Variants in GLCCI1 observed in about 807,000 individuals in gnomAD.
GLCCI1 encodes glucocorticoid-induced transcript 1 protein.
Under a neutral mutation model 52.2 loss-of-function variants are expected in GLCCI1, and 24 were observed. That is an observed-to-expected ratio of 0.46 (90% CI 0.33 to 0.65). The LOEUF is 0.65. Ranked by LOEUF, GLCCI1 falls within the 30% of genes least tolerant of loss-of-function variation. The pLI, the probability that GLCCI1 is intolerant of heterozygous loss-of-function variation, is 0.02. For synonymous variants in GLCCI1, 310 were observed against 276.5 expected, an observed-to-expected ratio of 1.12 and a Z score of -1.20; for missense variants, 704 against 701.5, an observed-to-expected ratio of 1.00 and a Z score of -0.04.
chr7:8,012,881 T>C (rs1204784695), intron 2 of GLCCI1, among the ~76,000 whole-genome samples: 15 of 152,240 alleles, frequency 9.9e-5, no homozygotes, highest in Non-Finnish European at 1.5e-5. Context: ...GTCAGGAAGC[T>C]TTCTTCTTAT....
At chr7:8,024,506 G>C (rs575238849) in intron 3 of GLCCI1, among the ~76,000 whole-genome samples, 1 of 152,344 alleles carries the variant, frequency 6.6e-6, no homozygotes, top group South Asian at 2.1e-4. Flanking sequence ...GATTTAGGCT[G>C]AAAGGAAGTA....
At chr7:8,081,935 CATT>C (rs1783003045) in intron 6 of GLCCI1, among the ~76,000 whole-genome samples, 1 of 152,116 alleles carries the variant, frequency 6.6e-6, no homozygotes, top group African/African-American at 2.4e-5. Context: ...ATTTTATTGA[CATT>C]AGCTATGATG....
Position 8,045,724 on chromosome 7 carries a change from A to G in GLCCI1, c.697-9709A>G, listed in dbSNP as rs147313172. 2.2e-4 allele frequency among the ~76,000 whole-genome samples: 33 copies of G among 152,292 alleles called. No homozygotes were observed. In the South Asian group the frequency reaches 6.2e-3, roughly 29 times the overall value. On this transcript the variant is annotated intron_variant, in intron 3 of 7. Coordinates refer to ENST00000223145, the MANE Select transcript of GLCCI1 (RefSeq NM_138426.4). The stretch of plus-strand genomic sequence containing the variant: ...GATGTGGCACCTGAATTAGAGCTCT[A>G]CTTATGAGGGACCAAAGTTCCAGTC...
chr7:7,976,089 T>G (rs987293247), intron 1 of GLCCI1, among the ~76,000 whole-genome samples: 7 of 152,174 alleles, frequency 4.6e-5, no homozygotes, highest in South Asian at 4.1e-4. Context: ...CTTCCAAGAA[T>G]CTGCAATTTG....
Position 8,017,703 on chromosome 7 carries a change from C to T in GLCCI1, c.610-4780C>T, listed in dbSNP as rs184275846. 1.5e-4 allele frequency among the ~76,000 whole-genome samples: 23 copies of T among 152,114 alleles called. No homozygotes were observed. In the East Asian group the frequency reaches 4.0e-3, roughly 27 times the overall value. Reference sequence around the variant, plus strand: ...TCCTAAAGCTTAAAAAAAAACCTTCCGACTTTACATAAAATAAAAATGCAG... The same window carrying T: ...TCCTAAAGCTTAAAAAAAAACCTTCTGACTTTACATAAAATAAAAATGCAG... On this transcript the variant is annotated intron_variant, in intron 2 of 7. Coordinates refer to ENST00000223145, the MANE Select transcript of GLCCI1 (RefSeq NM_138426.4).
chr7:7,987,669 C>G (rs917232999), intron 1 of GLCCI1, among the ~76,000 whole-genome samples: 6 of 152,166 alleles, frequency 3.9e-5, no homozygotes, highest in South Asian at 2.1e-4. Context: ...TTCACTGTAA[C>G]CCCAGACTCC....
chr7:8,047,717 C>T (rs766459166), intron 3 of GLCCI1, among the ~76,000 whole-genome samples: 11 of 152,188 alleles, frequency 7.2e-5, no homozygotes, highest in Non-Finnish European at 1.2e-4. Flanking sequence ...TATTAGACAA[C>T]ACAACTAAGA....
chr7:7,992,097 TTCTG>T (rs1554258546), intron 1 of GLCCI1, among the ~76,000 whole-genome samples: 33 of 121,280 alleles, frequency 2.7e-4, no homozygotes, highest in African/African-American at 7.5e-4. Context: ...CTTTCTTTCT[TTCTG>T]TCTGTTTCTC....
chr7:8,055,281 A>G, intron 3 of GLCCI1, 152 bp from the exon 4 acceptor site: 1 of 466,524 alleles, frequency 2.1e-6, no homozygotes, highest in East Asian at 3.3e-5. Flanking sequence ...ATAATCCCAA[A>G]AACTTGCAAG....
At chr7:8,070,884 A>C (rs1402894849) in intron 5 of GLCCI1, 37 bp from the exon 6 acceptor site, 1 of 1,548,112 alleles carries the variant, frequency 6.5e-7, no homozygotes, top group African/African-American at 1.4e-5. Context: ...GAATATATGC[A>C]CCAGCATTTG....
rs1016366672 is a variant in GLCCI1, at chr7:8,088,440, G to T, written c.*1902G>T. 1.3e-5 allele frequency: 2 copies of T among 152,526 alleles called. No homozygotes were observed. The highest frequency in any genetic ancestry group is 1.3e-4 in the Admixed American group (2 of 15,272). The allele number at this position is 152,526 out of a possible 1,614,324, so 9.4% of individuals were successfully genotyped here. A position where few individuals can be genotyped will look rare whatever the true frequency, so the allele number is the denominator to read the frequency against. On this transcript the variant is annotated 3_prime_UTR_variant, in exon 8 of 8. Transcript: ENST00000223145. ...GTTTACTTTCGTCATTTTCACAGGG[G>T]AACCTTTTAAAACAATCTTTTCAGC...
At chr7:8,033,362 C>G (rs912589606) in intron 3 of GLCCI1, among the ~76,000 whole-genome samples, 27 of 152,104 alleles carry the variant, frequency 1.8e-4, no homozygotes, top group African/African-American at 6.3e-4. Context: ...CCACTGTCAT[C>G]TTGTCACCAC....
chr7:7,977,135 A>T (rs1436370313), intron 1 of GLCCI1, among the ~76,000 whole-genome samples: 2 of 152,176 alleles, frequency 1.3e-5, no homozygotes, highest in Non-Finnish European at 2.9e-5. Flanking sequence ...ATTACTAAAA[A>T]ATTAGCTTTC....
chr7:8,034,722 GA>G (rs912667083), intron 3 of GLCCI1, among the ~76,000 whole-genome samples: 19 of 152,138 alleles, frequency 1.2e-4, no homozygotes, highest in African/African-American at 4.6e-4. Flanking sequence ...CTAGGACACA[GA>G]AAAAGAAGGA....
chr7:8,076,633 C>G (rs1782882044), intron 6 of GLCCI1, among the ~76,000 whole-genome samples: 1 of 152,152 alleles, frequency 6.6e-6, no homozygotes, highest in Non-Finnish European at 1.5e-5. Context: ...CTTAAATATA[C>G]AACTCAGTTT....
chr7:8,000,993 G>A (rs1781040327), intron 1 of GLCCI1, among the ~76,000 whole-genome samples: 1 of 152,086 alleles, frequency 6.6e-6, no homozygotes, highest in Non-Finnish European at 1.5e-5. Flanking sequence ...TCTTAATCCA[G>A]TTTGCCAGTC....
chr7:8,042,261 T>G (rs969205971), intron 3 of GLCCI1, among the ~76,000 whole-genome samples: 6 of 152,230 alleles, frequency 3.9e-5, no homozygotes, highest in African/African-American at 1.4e-4. Flanking sequence ...GAAGTACATT[T>G]TGTAAGGCTT....
intron 6 of GLCCI1, among the ~76,000 whole-genome samples, chr7:8,080,841 G>GTTT (rs199681673): frequency 5.5e-5 from 7 of 128,256 alleles, no homozygotes; most frequent in Non-Finnish European, 8.7e-5. Context: ...TGGTTTTGGG[G>GTTT]TTTTTTTTTT....
intron 1 of GLCCI1, among the ~76,000 whole-genome samples, chr7:7,976,226 C>T (rs1296998305): frequency 6.6e-6 from 1 of 151,974 alleles, no homozygotes; most frequent in Non-Finnish European, 1.5e-5. Flanking sequence ...TGCCTGTAAT[C>T]CCAGCACTTT....
Sources: gnomAD v4.1 joint callset for allele counts (sites outside exome capture counted in the v4.1 genomes callset) on GRCh38, gnomAD v4.1.1 for gene constraint, MANE v1.5 for transcripts, NCBI Gene and HGNC (gene_info 2026-07-23, HGNC 2026-07-21) for gene names.